The following CCDC88C variants were observed in gnomAD, a reference collection of about 807,000 sequenced individuals.
CCDC88C encodes the protein protein Daple.
Under a neutral mutation model 198.8 loss-of-function variants are expected in CCDC88C, and 131 were observed. That is an observed-to-expected ratio of 0.66 (90% CI 0.57 to 0.76). The LOEUF (loss-of-function observed/expected upper bound fraction) is 0.76. CCDC88C is among the 30% of genes least tolerant of loss of function. CCDC88C has a pLI of 0.00. For missense variants in CCDC88C, 2,553 were observed against 2,631.6 expected (o/e 0.97, Z 0.65); for synonymous variants, 1,166 against 1,114.7 (o/e 1.05, Z -0.92).
In CCDC88C at chr14:91,325,930, T is replaced by C. The variant is rs1293740195; in HGVS notation, c.1177A>G (p.Lys393Glu). Residue 393 changes from lysine to glutamate, a missense_variant, in exon 11 of 30, where the codon AAG becomes GAG. Around this residue, in one of 2 missense-constraint regions of CCDC88C, gnomAD observed 1,260 missense variants for 1,412.0 expected, o/e 0.89. Coordinates refer to ENST00000389857, the MANE Select transcript of CCDC88C (RefSeq NM_001080414.4). The surrounding 1 kb of genome is among the most constrained non-coding windows in gnomAD (Gnocchi z 4.1). The stretch of plus-strand genomic sequence containing the variant: ...AGTACCAATTCCAGGTCGTGAAGCT[T>C]GGATTTCAGCTGCAGGTTCTCCTTT... ...LEKENLQLKS[K>E]LHDLELDRDT... The C allele has an allele frequency of 6.4e-7, 1 of 1,553,750 alleles. No individual in the cohort carries two copies.
chr14:91,417,741 C>T lies in CCDC88C; in HGVS notation c.-51G>A. ...CGCCCCCCGCCCCGCGTCCCCGTTC[C>T]CCCGCGCCGCGGCACAAAACGGCTC... On this transcript the variant is annotated 5_prime_UTR_variant, in exon 1 of 30. Coordinates refer to ENST00000389857, the MANE Select transcript of CCDC88C (RefSeq NM_001080414.4). The T allele has an allele frequency of 1.2e-5, 17 of 1,425,556 alleles. No individual in the cohort carries two copies. In the South Asian group the frequency reaches 2.1e-4, roughly 18 times the overall value. The allele number at this position is 1,425,556 out of a possible 1,614,324, so 88.3% of individuals were successfully genotyped here.
chr14:91,350,629 T>G (rs1224756517), intron 4 of CCDC88C, among the ~76,000 whole-genome samples: 1 of 152,166 alleles, frequency 6.6e-6, no homozygotes, highest in Non-Finnish European at 1.5e-5. Context: ...CACAGTGATG[T>G]CTCTCCACAG....
Position 91,352,435 on chromosome 14 carries a change from G to A in CCDC88C, c.340+7207C>T, listed in dbSNP as rs566882744. Among the ~76,000 whole-genome samples, 1 of 152,320 alleles carries A rather than the reference G, an allele frequency of 6.6e-6. No homozygotes were observed. The highest frequency in any genetic ancestry group is 2.4e-5 in the African/African-American group (1 of 41,570). On this transcript the variant is annotated intron_variant, in intron 4 of 29. Coordinates refer to ENST00000389857, the MANE Select transcript of CCDC88C (RefSeq NM_001080414.4). This position sits in a 1 kb window ranked among gnomAD's most constrained non-coding sequence, Gnocchi z 4.2. ...CACGTGGACTGGAGCCCTCATTTCC[G>A]GATCCAACAAGCAGCACAGAAGCAA...
chr14:91,407,411 A>C (rs1341165523), intron 3 of CCDC88C, among the ~76,000 whole-genome samples: 31 of 152,166 alleles, frequency 2.0e-4, no homozygotes, highest in Admixed American at 2.0e-3. Flanking sequence ...ACCAAGACTA[A>C]GTTACAGCCC....
In CCDC88C at chr14:91,338,676, G is replaced by C. The variant is rs1438093304; in HGVS notation, c.810-106C>G. On this transcript the variant is annotated intron_variant, in intron 8 of 29. Coordinates refer to ENST00000389857, the MANE Select transcript of CCDC88C (RefSeq NM_001080414.4). This position sits in a 1 kb window ranked among gnomAD's most constrained non-coding sequence, Gnocchi z 4.8. Reference sequence around the variant, plus strand: ...AACCTGTGGGAAAAGGAAAGGACTCGGGATTTGGGCGGTGGGGAGGCGATC... The same window carrying C: ...AACCTGTGGGAAAAGGAAAGGACTCCGGATTTGGGCGGTGGGGAGGCGATC... The C allele has an allele frequency of 3.6e-6, 3 of 839,392 alleles. No individual in the cohort carries two copies. Among genetic ancestry groups the C allele is most frequent in the Admixed American group, 4.2e-5 (2 of 47,742 alleles). 52.0% of individuals were successfully genotyped at this position (839,392 alleles called of 1,614,324 possible). A position where few individuals can be genotyped will look rare whatever the true frequency, so the allele number is the denominator to read the frequency against.
rs1329385636 is a variant in CCDC88C at position 91,381,194 on chromosome 14, C to G, written c.271-21483G>C. ...GCAGAACTGAAAGGTGTGGGGCTTT[C>G]CCGGTACGGTCTGAGTCTCCTGTCC... On this transcript the variant is annotated intron_variant, in intron 3 of 29. Coordinates refer to ENST00000389857, the MANE Select transcript of CCDC88C (RefSeq NM_001080414.4). This position sits in a 1 kb window ranked among gnomAD's most constrained non-coding sequence, Gnocchi z 4.2. 6.6e-6 allele frequency among the ~76,000 whole-genome samples: 1 copy of G among 152,138 alleles called. No homozygotes were observed. Among genetic ancestry groups the G allele is most frequent in the Non-Finnish European group, 1.5e-5 (1 of 68,028 alleles).
chr14:91,343,466 C>A, intron 5 of CCDC88C, 133 bp downstream of exon 5: 1 of 1,444,506 alleles, frequency 6.9e-7, no homozygotes, highest in Non-Finnish European at 9.1e-7. Flanking sequence ...CTTCCAGGAA[C>A]CCAGCGGCCT....
In CCDC88C at chr14:91,313,060, C is replaced by T. The variant is rs7151807; in HGVS notation, c.2736+20G>A. 31 of 1,550,188 alleles carry T rather than the reference C, an allele frequency of 2.0e-5. No individual in the cohort carries two copies. Among genetic ancestry groups the T allele is most frequent in the African/African-American group, 4.1e-5 (3 of 73,306 alleles). On this transcript the variant is annotated intron_variant, in intron 15 of 29. Coordinates refer to ENST00000389857, the MANE Select transcript of CCDC88C (RefSeq NM_001080414.4). This position sits in a 1 kb window ranked among gnomAD's most constrained non-coding sequence, Gnocchi z 5.2. ...CACCATCTGCCAATCCCCTTACAGG[C>T]GCCGCCTGTGTTTGCTCACCTCCCT...
chr14:91,282,486 T>C (rs186662013), intron 26 of CCDC88C, among the ~76,000 whole-genome samples: 2 of 152,354 alleles, frequency 1.3e-5, no homozygotes, highest in Non-Finnish European at 2.9e-5. Flanking sequence ...TGCTTCTCCC[T>C]TCCCTGTTGC....
At chr14:91,287,163 A>C (rs537299698) in intron 25 of CCDC88C, among the ~76,000 whole-genome samples, 19 of 152,340 alleles carry the variant, frequency 1.2e-4, no homozygotes, top group African/African-American at 4.3e-4. Flanking sequence ...ATGTCCAAAA[A>C]TTAAACAGGA....
rs62621190 is a variant in CCDC88C, at chr14:91,342,346, C to T, written c.483+34G>A. 0.065 allele frequency: 90,166 copies of T among 1,396,952 alleles called. 3,205 individuals are homozygous for T. Among genetic ancestry groups the T allele is most frequent in the Middle Eastern group, 0.1 (564 of 5,480 alleles). The allele number at this position is 1,396,952 out of a possible 1,614,324, so 86.5% of individuals were successfully genotyped here. ...CCCGGCCACCACAGGAGCAGCAGTC[C>T]ACAGCTGAGCCCACCACGAGGCCAC... On this transcript the variant is annotated intron_variant, in intron 6 of 29. Coordinates refer to ENST00000389857, the MANE Select transcript of CCDC88C (RefSeq NM_001080414.4).
intron 19 of CCDC88C, among the ~76,000 whole-genome samples, chr14:91,304,429 G>A (rs1272730965): frequency 1.3e-5 from 2 of 151,648 alleles, no homozygotes; most frequent in Non-Finnish European, 3.0e-5. Flanking sequence ...CAAAAAAAAA[G>A]TATTTTTAAC....
At position 91,408,714 on chromosome 14, in the gene CCDC88C, T is replaced by C; in HGVS notation, c.215A>G (p.Asn72Ser). ...RINKHVNNDV[N>S]LRIQNLTILV... ...GATGGTCAAATTCTGAATGCGAAGG[T>C]TCACATCATTGTTGACGTGCTTATT... is the stretch of plus-strand genomic sequence containing the variant. Residue 72 changes from asparagine to serine, a missense_variant, in exon 3 of 30, where the codon AAC becomes AGC. Around this residue, in one of 2 missense-constraint regions of CCDC88C, gnomAD observed 1,260 missense variants for 1,412.0 expected, o/e 0.89. Transcript: ENST00000389857. The C allele has an allele frequency of 1.2e-6, 2 of 1,613,926 alleles. No individual in the cohort carries two copies. Among genetic ancestry groups the C allele is most frequent in the South Asian group, 1.1e-5 (1 of 91,074 alleles).
Position 91,288,456 on chromosome 14 carries a change from T to C in CCDC88C, c.4441+649A>G, listed in dbSNP as rs1023780787. 1.3e-5 allele frequency among the ~76,000 whole-genome samples: 2 copies of C among 152,176 alleles called. No homozygotes were observed. Among genetic ancestry groups the C allele is most frequent in the East Asian group, 3.8e-4 (2 of 5,204 alleles). On this transcript the variant is annotated intron_variant, in intron 25 of 29. Transcript: ENST00000389857. The surrounding 1 kb of genome is among the most constrained non-coding windows in gnomAD (Gnocchi z 4.2). ...GAGAACGTGTTGAGTGCACCTGGGATCTCCCTGCACAAAGCAGCTTTCTAC... is the reference window on the plus strand; with the variant it reads ...GAGAACGTGTTGAGTGCACCTGGGACCTCCCTGCACAAAGCAGCTTTCTAC...
rs554949716 is a variant in CCDC88C at position 91,331,592 on chromosome 14, C to T, written c.1051-5536G>A. Among the ~76,000 whole-genome samples, 145 of 152,314 alleles carry T rather than the reference C, an allele frequency of 9.5e-4. 1 individual carries two copies. Among genetic ancestry groups the T allele is most frequent in the African/African-American group, 3.3e-3 (136 of 41,566 alleles). On this transcript the variant is annotated intron_variant, in intron 10 of 29. Transcript: ENST00000389857. The stretch of plus-strand genomic sequence containing the variant: ...CACACATTCTAAGAATGATCATTAG[C>T]CCAGTTCCTCACTGGCCGGTGCTGG...
chr14:91,388,690 A>C (rs981746807), intron 3 of CCDC88C, among the ~76,000 whole-genome samples: 1 of 152,242 alleles, frequency 6.6e-6, no homozygotes, highest in Non-Finnish European at 1.5e-5. Flanking sequence ...AAGGATCGAA[A>C]CACTCAAACA....
chr14:91,304,064 C>T, intron 19 of CCDC88C, 86 bp from the exon 20 acceptor site: 1 of 1,473,758 alleles, frequency 6.8e-7, no homozygotes, highest in Non-Finnish European at 9.2e-7. Context: ...CGAGCAGACA[C>T]GAAAATAGCC....
intron 3 of CCDC88C, among the ~76,000 whole-genome samples, chr14:91,363,417 T>C (rs1490092873): frequency 6.6e-6 from 1 of 152,060 alleles, no homozygotes; most frequent in Non-Finnish European, 1.5e-5. Flanking sequence ...GGCCTTTGCA[T>C]TCTTTTTCCA....
chr14:91,379,022 G>C (rs998348315), intron 3 of CCDC88C: 4 of 152,220 alleles, frequency 2.6e-5, no homozygotes, highest in African/African-American at 9.7e-5. Context: ...ACAGTACGGT[G>C]TGTGGATGTG....
Sources: gnomAD v4.1 joint callset for allele counts (sites outside exome capture counted in the v4.1 genomes callset) on GRCh38, gnomAD v4.1.1 for gene constraint, gnomAD v4.1.1 regional missense constraint, Gnocchi (gnomAD v3.1) non-coding constraint, MANE v1.5 for transcripts, NCBI Gene and HGNC (gene_info 2026-07-23, HGNC 2026-07-21) for gene names.